Variants in CSMD2 observed in about 807,000 individuals in gnomAD.
CSMD2 encodes the protein CUB and sushi domain-containing protein 2.
Under a neutral mutation model 398.5 loss-of-function variants are expected in CSMD2, and 130 were observed. The observed-to-expected ratio is 0.33, with a 90% CI of 0.28 to 0.38. CSMD2 has a LOEUF of 0.38. Among genes scored for constraint, CSMD2 ranks in the 10% least tolerant of loss-of-function variants. The pLI is 1.00. For missense variants in CSMD2, 3,829 were observed against 4,764.9 expected (o/e 0.80, Z 5.78); for synonymous variants, 1,828 against 1,908.5 (o/e 0.96, Z 1.10).
At chr1:33,844,735 C>T (rs1031095604) in intron 6 of CSMD2, among the ~76,000 whole-genome samples, 5 of 152,182 alleles carry the variant, frequency 3.3e-5, no homozygotes, top group Non-Finnish European at 7.3e-5. Flanking sequence ...ATAGTATCTC[C>T]TTCACGCAGT....
chr1:33,592,522 G>A (rs760900293), intron 44 of CSMD2: 7 of 717,054 alleles, frequency 9.8e-6, no homozygotes, highest in African/African-American at 5.2e-5. Context: ...ATTATGAGTG[G>A]CACAGGCACC....
At chr1:33,892,983 A>T (rs955233130) in intron 5 of CSMD2, among the ~76,000 whole-genome samples, 3 of 152,216 alleles carry the variant, frequency 2.0e-5, no homozygotes, top group Non-Finnish European at 4.4e-5. Flanking sequence ...GTCTGGTGAA[A>T]GGGTTCATGT....
chr1:33,640,756 T>C (rs1643058994), intron 29 of CSMD2, among the ~76,000 whole-genome samples: 1 of 152,224 alleles, frequency 6.6e-6, no homozygotes, highest in Non-Finnish European at 1.5e-5. Flanking sequence ...TGCTTATATA[T>C]TGTTTGAATT....
chr1:33,771,939 A>C (rs1182805544), intron 13 of CSMD2, among the ~76,000 whole-genome samples: 1 of 152,190 alleles, frequency 6.6e-6, no homozygotes, highest in Non-Finnish European at 1.5e-5. Flanking sequence ...AAGATTTAAG[A>C]TATCATTTGT....
At chr1:33,718,761 A>T (rs1472506077) in intron 19 of CSMD2, among the ~76,000 whole-genome samples, 1 of 152,230 alleles carries the variant, frequency 6.6e-6, no homozygotes, top group Non-Finnish European at 1.5e-5. Context: ...ATTTTTTATA[A>T]ATGATGGTTG....
chr1:33,677,843 C>G (rs1174838720), intron 25 of CSMD2, among the ~76,000 whole-genome samples: 1 of 150,726 alleles, frequency 6.6e-6, no homozygotes, highest in Non-Finnish European at 1.5e-5. Context: ...TCATTCTCAG[C>G]AAACTATCAC....
chr1:33,646,694 G>A lies in CSMD2; in HGVS notation c.4728C>T (p.Arg1576=). 6.2e-7 allele frequency: 1 copy of A among 1,614,178 alleles called. No individual in the cohort carries two copies. Among genetic ancestry groups the A allele is most frequent in the Non-Finnish European group, 8.5e-7 (1 of 1,180,048 alleles). ...CAGCATTGCTCACAGATGCATCGCT[G>A]CGGAAGGCGAGGAAGAGGCTGTTGC... The part of the protein sequence containing the change: ...SSSNSLFLAF[R]SDASVSNAGF... The change falls in exon 29 of 71, where the codon CGC becomes CGT. Residue 1576 remains arginine, a synonymous_variant. Coordinates refer to ENST00000373381, the MANE Select transcript of CSMD2 (RefSeq NM_001281956.2).
chr1:33,798,088 C>T (rs771221741), intron 10 of CSMD2, among the ~76,000 whole-genome samples: 51 of 152,064 alleles, frequency 3.4e-4, no homozygotes, highest in Non-Finnish European at 4.7e-4. Flanking sequence ...CTCTTTTTTT[C>T]GTTTCTTTTT....
chr1:33,540,021 A>T (rs761147578), intron 60 of CSMD2, among the ~76,000 whole-genome samples: 1 of 152,198 alleles, frequency 6.6e-6, no homozygotes, highest in Non-Finnish European at 1.5e-5. Flanking sequence ...TGTGACAAGA[A>T]TAAGTGACCC....
At chr1:33,849,265 T>A (rs1431709351) in intron 5 of CSMD2, among the ~76,000 whole-genome samples, 1 of 152,202 alleles carries the variant, frequency 6.6e-6, no homozygotes, top group Non-Finnish European at 1.5e-5. Flanking sequence ...CATGGCAGAA[T>A]CATCACATCA....
At chr1:33,639,572 T>C (rs186189088) in intron 29 of CSMD2, among the ~76,000 whole-genome samples, 65 of 152,330 alleles carry the variant, frequency 4.3e-4, no homozygotes, top group African/African-American at 1.6e-3. Context: ...CATCACCTGA[T>C]CTTCTCATAA....
chr1:33,617,341 T>C (rs1448935189), intron 38 of CSMD2, among the ~76,000 whole-genome samples, 158 bp downstream of exon 38: 1 of 152,196 alleles, frequency 6.6e-6, no homozygotes, highest in Non-Finnish European at 1.5e-5. Context: ...CAGCAGAGTT[T>C]ATCTTTTGCA....
rs575650470 is a variant in CSMD2 at position 33,661,354 on chromosome 1, C to T, written c.4255+1536G>A. ...CTGGGAGATCCTTCCATTGCTTATT[C>T]CAGCAACTTCCCAAGTTTGTTCCAC... On this transcript the variant is annotated intron_variant, in intron 26 of 70. Coordinates refer to ENST00000373381, the MANE Select transcript of CSMD2 (RefSeq NM_001281956.2). 1.2e-4 allele frequency among the ~76,000 whole-genome samples: 19 copies of T among 152,212 alleles called. No homozygotes were observed. In the South Asian group the frequency reaches 3.7e-3, roughly 30 times the overall value.
chr1:33,546,348 G>A (rs1656893769), intron 56 of CSMD2, 129 bp from the exon 57 acceptor site: 1 of 842,860 alleles, frequency 1.2e-6, no homozygotes, highest in African/African-American at 1.7e-5. Flanking sequence ...CCTAGCACAA[G>A]TTACCTGCAC....
At chr1:33,675,566 C>T (rs771596575) in intron 25 of CSMD2, among the ~76,000 whole-genome samples, 17 of 152,180 alleles carry the variant, frequency 1.1e-4, no homozygotes, top group Non-Finnish European at 1.5e-4. Flanking sequence ...TGAAACTATT[C>T]CAATCAACAG....
chr1:33,523,483 T>C, intron 66 of CSMD2, 64 bp from the exon 67 acceptor site: 1 of 729,438 alleles, frequency 1.4e-6, no homozygotes, highest in East Asian at 2.7e-5. Context: ...CTCAAATTTG[T>C]GGGTTTGTGG....
At chr1:33,971,706 C>T (rs1349208450) in intron 3 of CSMD2, among the ~76,000 whole-genome samples, 1 of 152,142 alleles carries the variant, frequency 6.6e-6, no homozygotes, top group African/African-American at 2.4e-5. Context: ...CAAGTGCCTT[C>T]GGCAGGTTGG....
At chr1:33,930,540 A>T (rs1644280351) in intron 4 of CSMD2, among the ~76,000 whole-genome samples, 1 of 152,162 alleles carries the variant, frequency 6.6e-6, no homozygotes, top group African/African-American at 2.4e-5. Flanking sequence ...GAGGCTAAGC[A>T]CTTCTTGCTC....
At chr1:33,920,422 G>A (rs1322947761) in intron 4 of CSMD2, among the ~76,000 whole-genome samples, 1 of 150,446 alleles carries the variant, frequency 6.6e-6, no homozygotes, top group Non-Finnish European at 1.5e-5. Context: ...CACATCTGTA[G>A]TCCCAGCTAC....
Sources: allele counts gnomAD v4.1 joint callset (sites outside exome capture counted in the v4.1 genomes callset), GRCh38; gene constraint gnomAD v4.1.1; transcripts MANE v1.5; gene names NCBI Gene and HGNC (gene_info 2026-07-23, HGNC 2026-07-21).